Variants in CASKIN1 observed in about 807,000 individuals in gnomAD.
The protein encoded by CASKIN1 is CASK interacting protein 1.
Under a neutral mutation model 117.5 loss-of-function variants are expected in CASKIN1, and 42 were observed. The observed-to-expected ratio is 0.36, with a 90% CI of 0.28 to 0.46. The LOEUF (loss-of-function observed/expected upper bound fraction) is 0.46, where lower values mean the gene tolerates loss of function less well. CASKIN1 is among the 20% of genes least tolerant of loss of function. The pLI is 1.00. For missense variants in CASKIN1, 2,083 were observed against 2,077.3 expected (o/e 1.00, Z -0.05); for synonymous variants, 1,148 against 961.7 (o/e 1.19, Z -3.59).
intron 6 of CASKIN1, chr16:2,188,763 T>C: frequency 2.2e-6 from 1 of 453,698 alleles, no homozygotes; most frequent in South Asian, 3.3e-5. Context: ...GATGGGAAAG[T>C]GAGGCTCAGG....
intron 1 of CASKIN1, among the ~76,000 whole-genome samples, chr16:2,192,003 TGA>T (rs1314878917): frequency 6.6e-6 from 1 of 152,164 alleles, no homozygotes; most frequent in East Asian, 1.9e-4. Flanking sequence ...TGGGAAAACA[TGA>T]GTCAGGCTCT....
chr16:2,185,488 C>T (rs955472568), intron 10 of CASKIN1, 80 bp from the exon 11 acceptor site: 20 of 1,226,328 alleles, frequency 1.6e-5, no homozygotes, highest in Non-Finnish European at 2.0e-5. Context: ...CAGAGACTGG[C>T]GCAGCCACAG....
Position 2,178,283 on chromosome 16 carries a change from C to A in CASKIN1, c.*267G>T. ...ATCCCTGGTCCCGGGGCGCCCTCCCCTCCCGCGCGGGCAGGAGGCCCAGCA... is the reference window on the plus strand; with the variant it reads ...ATCCCTGGTCCCGGGGCGCCCTCCCATCCCGCGCGGGCAGGAGGCCCAGCA... On this transcript the variant is annotated 3_prime_UTR_variant, in exon 20 of 20. Coordinates refer to ENST00000343516, the MANE Select transcript of CASKIN1 (RefSeq NM_020764.4). The A allele has an allele frequency of 2.5e-6, 1 of 408,042 alleles. No homozygotes were observed. Among genetic ancestry groups the A allele is most frequent in the Non-Finnish European group, 4.4e-6 (1 of 225,506 alleles). The allele number at this position is 408,042 out of a possible 1,614,324, so 25.3% of individuals were successfully genotyped here. A position where few individuals can be genotyped will look rare whatever the true frequency, so the allele number is the denominator to read the frequency against.
chr16:2,189,640 C>A (rs2093195261), intron 3 of CASKIN1, 76 bp from the exon 4 acceptor site: 2 of 1,451,976 alleles, frequency 1.4e-6, no homozygotes, highest in Non-Finnish European at 1.8e-6. Flanking sequence ...GTGCTGGGAC[C>A]TGACCCCTGA....
In CASKIN1 at chr16:2,178,340, A is replaced by G; in HGVS notation, c.*210T>C. The stretch of plus-strand genomic sequence containing the variant: ...GCACGGGGAGCAGCAGGTGGGGAGG[A>G]CCCGCGGGCGCAGGGTCTGCCTAGA... On this transcript the variant is annotated 3_prime_UTR_variant, in exon 20 of 20. Coordinates refer to ENST00000343516, the MANE Select transcript of CASKIN1 (RefSeq NM_020764.4). 2 of 447,192 alleles carry G rather than the reference A, an allele frequency of 4.5e-6. No homozygotes were observed. The highest frequency in any genetic ancestry group is 6.2e-5 in the South Asian group (2 of 32,508). 27.7% of individuals were successfully genotyped at this position (447,192 alleles called of 1,614,324 possible).
intron 17 of CASKIN1, 34 bp from the exon 18 acceptor site, chr16:2,181,633 C>G: frequency 7.2e-7 from 1 of 1,384,032 alleles, no homozygotes; most frequent in Non-Finnish European, 9.5e-7. Context: ...TCAGGTGGAC[C>G]AGGAGGCGGA....
intron 1 of CASKIN1, among the ~76,000 whole-genome samples, chr16:2,192,302 CAAAA>C (rs769383895): frequency 7.8e-6 from 1 of 127,490 alleles, no homozygotes; most frequent in Admixed American, 8.0e-5. Context: ...GACCCTGTCT[CAAAA>C]AAAAAAAAAG....
Position 2,178,064 on chromosome 16 carries a change from CT to C in CASKIN1, c.*485del. On this transcript the variant is annotated 3_prime_UTR_variant, in exon 20 of 20. Transcript: ENST00000343516. ...AAATATATATTTGTTAAAGTTATAC[CT>C]TTTTGTTTCTCTGGGGAAATCCGCC... 2.1e-6 allele frequency: 1 copy of C among 480,670 alleles called. No homozygotes were observed. The highest frequency in any genetic ancestry group is 4.0e-6 in the Non-Finnish European group (1 of 251,718). The allele number at this position is 480,670 out of a possible 1,614,324, so 29.8% of individuals were successfully genotyped here.
chr16:2,181,641 G>T lies in CASKIN1; in HGVS notation c.1769-42C>A, dbSNP rs550446958. The T allele has an allele frequency of 2.3e-5, 35 of 1,524,700 alleles. 1 individual carries two copies. In the South Asian group the frequency reaches 3.2e-4, roughly 14 times the overall value. 94.4% of individuals were successfully genotyped at this position (1,524,700 alleles called of 1,614,324 possible). A position where few individuals can be genotyped will look rare whatever the true frequency, so the allele number is the denominator to read the frequency against. On this transcript the variant is annotated intron_variant, in intron 17 of 19. Coordinates refer to ENST00000343516, the MANE Select transcript of CASKIN1 (RefSeq NM_020764.4). ...GGGCAGGTCAGGTGGACCAGGAGGCGGAGGGGCAGGGGCCGGGCTAGGGGC... is the reference window on the plus strand; with the variant it reads ...GGGCAGGTCAGGTGGACCAGGAGGCTGAGGGGCAGGGGCCGGGCTAGGGGC...
In CASKIN1 at chr16:2,179,097, G is replaced by A; in HGVS notation, c.4004C>T (p.Ala1335Val). Residue 1335 changes from alanine to valine, a missense_variant, in exon 19 of 20, where the codon GCG becomes GTG. By Grantham distance (64) the Ala-to-Val change is moderately conservative. Transcript: ENST00000343516. This position sits in a 1 kb window ranked among gnomAD's most constrained non-coding sequence, Gnocchi z 5.8. ...CGGGGGCTTGGCGGGCACGTGCAGC[G>A]CGGGCGCGCCGGGGGACGGGGGCTT... ...PAKPPSPGAP[A>V]LHVPAKPPRA... The A allele has an allele frequency of 1.0e-6, 1 of 988,070 alleles. No individual in the cohort carries two copies. 61.2% of individuals were successfully genotyped at this position (988,070 alleles called of 1,614,324 possible).
intron 1 of CASKIN1, among the ~76,000 whole-genome samples, chr16:2,195,624 G>A (rs1596696926): frequency 6.6e-6 from 1 of 152,344 alleles, no homozygotes; most frequent in African/African-American, 2.4e-5. Context: ...GATGGCCAGT[G>A]GTGGTCCCCC....
In CASKIN1 at chr16:2,178,427, G is replaced by A. The variant is rs916333083; in HGVS notation, c.*123C>T. 1.6e-5 allele frequency: 11 copies of A among 681,584 alleles called. No individual in the cohort carries two copies. The South Asian group carries it at 2.1e-4, about 13-fold the overall frequency. 42.2% of individuals were successfully genotyped at this position (681,584 alleles called of 1,614,324 possible). On this transcript the variant is annotated 3_prime_UTR_variant, in exon 20 of 20. Coordinates refer to ENST00000343516, the MANE Select transcript of CASKIN1 (RefSeq NM_020764.4). ...CGCCCCGGCCCGGGTCCAGGGGCCG[G>A]AGTTGTGCTTCTGCAGGGCCCTGCC...
In CASKIN1 at chr16:2,188,353, AT is replaced by A. The variant is rs780638184; in HGVS notation, c.617+673del. Among the ~76,000 whole-genome samples the A allele has an allele frequency of 4.0e-3, 519 of 129,242 alleles. 2 individuals are homozygous for A. The highest frequency in any genetic ancestry group is 8.7e-3 in the Middle Eastern group (2 of 230). 84.8% of individuals were successfully genotyped at this position (129,242 alleles called of 152,430 possible). A position where few individuals can be genotyped will look rare whatever the true frequency, so the allele number is the denominator to read the frequency against. ...AGGTGTGCATCACCACAACCAGCCG[AT>A]TTTTTTTTTTTTTTGAGACAGGGTC... On this transcript the variant is annotated intron_variant, in intron 6 of 19. Coordinates refer to ENST00000343516, the MANE Select transcript of CASKIN1 (RefSeq NM_020764.4).
chr16:2,190,467 G>C (rs1353145425), intron 1 of CASKIN1, 109 bp from the exon 2 acceptor site: 6 of 988,528 alleles, frequency 6.1e-6, no homozygotes, highest in Non-Finnish European at 9.3e-6. Context: ...AAAGCTGCTG[G>C]GCTCTCAGTC....
At chr16:2,188,781 A>G in intron 6 of CASKIN1, 1 of 513,434 alleles carries the variant, frequency 1.9e-6, no homozygotes, top group East Asian at 3.4e-5. Flanking sequence ...AGGGAAGTTC[A>G]GCACCTCCTC....
At chr16:2,184,889 G>C (rs1246472138) in intron 13 of CASKIN1, 21 bp from the exon 14 acceptor site, 2 of 1,576,116 alleles carry the variant, frequency 1.3e-6, no homozygotes, top group African/African-American at 2.7e-5. Flanking sequence ...GAGTGGGTGG[G>C]GGACAAGGGC....
rs759167864 is a variant in CASKIN1, at chr16:2,185,005, C to T, written c.1270G>A (p.Val424Ile). 24 of 1,609,284 alleles carry T rather than the reference C, an allele frequency of 1.5e-5. No homozygotes were observed. Among genetic ancestry groups the T allele is most frequent in the East Asian group, 2.2e-5 (1 of 44,770 alleles). ...LLATVLSQKSVSESGPGDSPA... is the reference protein window; with the variant it reads ...LLATVLSQKSISESGPGDSPA... The stretch of plus-strand genomic sequence containing the variant: ...CTGTCCCCCGGGCCGGACTCAGAGA[C>T]GGACTTCTGGGAAAGCACCGTTGCC... Residue 424 changes from valine (V) to isoleucine (I), a missense_variant, in exon 13 of 20, where the codon GTC becomes ATC. Physicochemically the swap from Val to Ile is conservative, Grantham distance 29. Transcript: ENST00000343516.
Position 2,179,706 on chromosome 16 carries a change from G to A in CASKIN1, c.3662C>T (p.Pro1221Leu), listed in dbSNP as rs1221734380. 9 of 1,522,064 alleles carry A rather than the reference G, an allele frequency of 5.9e-6. No individual in the cohort carries two copies. The highest frequency in any genetic ancestry group is 2.6e-5 in the South Asian group (2 of 78,196). 94.3% of individuals were successfully genotyped at this position (1,522,064 alleles called of 1,614,324 possible). A position where few individuals can be genotyped will look rare whatever the true frequency, so the allele number is the denominator to read the frequency against. The change falls in exon 18 of 20, where the codon CCG (proline) becomes CTG (leucine). Residue 1221 changes from proline (P) to leucine (L), a missense_variant. By Grantham distance (98) the Pro-to-Leu change is moderately conservative (BLOSUM62 -3). Transcript: ENST00000343516. The surrounding 1 kb of genome is among the most constrained non-coding windows in gnomAD (Gnocchi z 5.8). ...LPPPEGEARK[P>L]AKPPVSPKPV... ...CTTGGGAGAGACAGGCGGCTTGGCC[G>A]GCTTCCGGGCTTCGCCCTCGGGCGG...
Position 2,182,203 on chromosome 16 carries a change from C to T in CASKIN1, c.1630-274G>A, listed in dbSNP as rs1205941088. The stretch of plus-strand genomic sequence containing the variant: ...CGGGGGGGCAGAAGAAGGCACTTTC[C>T]CACCCGGCCAGGCAGCCACGAGTAC... On this transcript the variant is annotated intron_variant, in intron 16 of 19. Coordinates refer to ENST00000343516, the MANE Select transcript of CASKIN1 (RefSeq NM_020764.4). This position sits in a 1 kb window ranked among gnomAD's most constrained non-coding sequence, Gnocchi z 4.1. 1.3e-5 allele frequency among the ~76,000 whole-genome samples: 2 copies of T among 152,194 alleles called. No homozygotes were observed. Among genetic ancestry groups the T allele is most frequent in the African/African-American group, 4.8e-5 (2 of 41,440 alleles).
Sources: allele counts gnomAD v4.1 joint callset (sites outside exome capture counted in the v4.1 genomes callset), GRCh38; gene constraint gnomAD v4.1.1; non-coding constraint Gnocchi (gnomAD v3.1); transcripts MANE v1.5; gene names NCBI Gene and HGNC (gene_info 2026-07-23, HGNC 2026-07-21).